Variants in NIPBL observed in about 807,000 individuals in gnomAD.
The protein encoded by NIPBL is nipped-B-like protein.
In NIPBL, 19 loss-of-function variants were observed where a neutral mutation model predicts 321.8. The ratio of observed to expected loss-of-function variants is 0.06; its 90% confidence interval spans 0.04 to 0.09. The LOEUF (loss-of-function observed/expected upper bound fraction) is 0.09, where lower values mean the gene tolerates loss of function less well. Among genes scored for constraint, NIPBL ranks in the 10% least tolerant of loss-of-function variants. The probability of loss-of-function intolerance (pLI) is 1.00; values close to 1 mark genes in which losing one functional copy is unlikely to be tolerated. For missense variants in NIPBL, 2,210 were observed against 3,327.0 expected (o/e 0.66, Z 8.26); for synonymous variants, 1,106 against 1,114.1 (o/e 0.99, Z 0.14).
intron 34 of NIPBL, among the ~76,000 whole-genome samples, chr5:37,043,998 C>G (rs979284016): frequency 1.3e-5 from 2 of 152,154 alleles, no homozygotes; most frequent in East Asian, 3.9e-4. Context: ...GGTTAACATA[C>G]ACAGTTTGGA....
chr5:36,970,787 A>G (rs1351154526), intron 6 of NIPBL, 89 bp from the exon 7 acceptor site: 6 of 1,163,972 alleles, frequency 5.2e-6, no homozygotes, highest in Non-Finnish European at 7.6e-6. Context: ...TGTAATTTCT[A>G]TATGCTTAAA....
intron 34 of NIPBL, among the ~76,000 whole-genome samples, chr5:37,041,252 GTTTTTTTTTTTTTTT>G (rs1163179336): frequency 5.6e-4 from 36 of 63,996 alleles, no homozygotes; most frequent in Admixed American, 2.2e-3. Flanking sequence ...TTATGTGGTG[GTTTTTTTTTTTTTTT>G]TTTTTTTTTT....
chr5:36,969,429 A>C (rs1006436275), intron 6 of NIPBL, among the ~76,000 whole-genome samples: 1 of 152,208 alleles, frequency 6.6e-6, no homozygotes, highest in African/African-American at 2.4e-5. Flanking sequence ...CATATAGTGA[A>C]GTAGAACATG....
chr5:36,929,293 C>T (rs1339135778), intron 1 of NIPBL, among the ~76,000 whole-genome samples: 1 of 151,964 alleles, frequency 6.6e-6, no homozygotes, highest in African/African-American at 2.4e-5. Flanking sequence ...AAGCCATTCA[C>T]ATGTGTTCTT....
At chr5:36,948,048 A>G (rs1436765628) in intron 1 of NIPBL, among the ~76,000 whole-genome samples, 1 of 151,984 alleles carries the variant, frequency 6.6e-6, no homozygotes, top group Non-Finnish European at 1.5e-5. Context: ...ATTAAAATAT[A>G]GAATCATCAC....
chr5:37,047,362 T>G (rs1486667633), intron 38 of NIPBL, among the ~76,000 whole-genome samples: 1 of 152,210 alleles, frequency 6.6e-6, no homozygotes, highest in Admixed American at 6.5e-5. Flanking sequence ...CAAAAATGAG[T>G]AAGAAAAGAT....
chr5:36,890,937 T>C (rs1746281930), intron 1 of NIPBL, among the ~76,000 whole-genome samples: 1 of 152,186 alleles, frequency 6.6e-6, no homozygotes, highest in South Asian at 2.1e-4. Flanking sequence ...CTATGTCTTT[T>C]CTCAGGAGCT....
intron 9 of NIPBL, chr5:36,982,214 G>A: frequency 2.0e-6 from 2 of 981,490 alleles, no homozygotes; most frequent in Non-Finnish European, 2.4e-6. Context: ...TGCTGAAGAG[G>A]GCTTACAGGT....
At position 37,036,500 on chromosome 5, in the gene NIPBL, A is replaced by C. The variant is rs751578529; in HGVS notation, c.5971+13A>C. On this transcript the variant is annotated intron_variant, in intron 33 of 46. Coordinates refer to ENST00000282516, the MANE Select transcript of NIPBL (RefSeq NM_133433.4). ...GAATCTCTAGCTGGTAAGACATTTT[A>C]TATATATATTGATCTTTAGTTGATT... 3.8e-6 allele frequency: 4 copies of C among 1,061,200 alleles called. No individual in the cohort carries two copies. Among genetic ancestry groups the C allele is most frequent in the Non-Finnish European group, 5.4e-6 (4 of 739,986 alleles). 65.7% of individuals were successfully genotyped at this position (1,061,200 alleles called of 1,614,324 possible).
intron 5 of NIPBL, 90 bp from the exon 6 acceptor site, chr5:36,962,033 A>C: frequency 7.2e-7 from 1 of 1,391,784 alleles, no homozygotes; most frequent in Non-Finnish European, 1.0e-6. Context: ...ATAAACTAAG[A>C]GATCAGAGGA....
intron 23 of NIPBL, 107 bp from the exon 24 acceptor site, chr5:37,016,911 AG>A (rs1749062092): frequency 2.3e-6 from 2 of 863,874 alleles, no homozygotes; most frequent in African/African-American, 3.5e-5. Flanking sequence ...GAAAAAAAAA[AG>A]TTTAAATTTT....
At chr5:36,906,098 A>C (rs769774601) in intron 1 of NIPBL, among the ~76,000 whole-genome samples, 8 of 152,150 alleles carry the variant, frequency 5.3e-5, no homozygotes, top group Non-Finnish European at 8.8e-5. Flanking sequence ...TACATATTAA[A>C]ATGTCATTTC....
rs376240848 is a variant in NIPBL, at chr5:36,972,738, A to G, written c.868+697A>G. ...CTTAATGCTATTCCAGTCCTGAATC[A>G]TTGTAACTTAAAAATTTTAAGTTAT... is the stretch of plus-strand genomic sequence containing the variant. On this transcript the variant is annotated intron_variant, in intron 8 of 46. Coordinates refer to ENST00000282516, the MANE Select transcript of NIPBL (RefSeq NM_133433.4). Among the ~76,000 whole-genome samples the G allele has an allele frequency of 1.3e-4, 20 of 152,164 alleles. No individual in the cohort carries two copies. The East Asian group carries it at 1.3e-3, about 10-fold the overall frequency.
At chr5:36,951,753 A>G (rs1740317020) in intron 1 of NIPBL, among the ~76,000 whole-genome samples, 1 of 152,166 alleles carries the variant, frequency 6.6e-6, no homozygotes, top group Non-Finnish European at 1.5e-5. Flanking sequence ...AGTAGTGATT[A>G]TAGCTTTCCT....
At chr5:37,028,820 T>C (rs565475407) in intron 32 of NIPBL, among the ~76,000 whole-genome samples, 1 of 152,338 alleles carries the variant, frequency 6.6e-6, no homozygotes, top group South Asian at 2.1e-4. Context: ...AAAATGTATT[T>C]TTATAGTTGG....
chr5:37,061,273 T>G (rs1372403086), intron 45 of NIPBL, among the ~76,000 whole-genome samples: 5 of 152,180 alleles, frequency 3.3e-5, no homozygotes, highest in African/African-American at 1.2e-4. Flanking sequence ...AATGAAAGAT[T>G]ATAGGAAAAC....
chr5:37,032,925 G>A (rs537677287), intron 32 of NIPBL, among the ~76,000 whole-genome samples: 1 of 152,172 alleles, frequency 6.6e-6, no homozygotes, highest in African/African-American at 2.4e-5. Flanking sequence ...GAGAATGTTG[G>A]TACCTTTAAA....
intron 11 of NIPBL, among the ~76,000 whole-genome samples, chr5:36,997,845 G>A (rs764507715): frequency 1.4e-4 from 21 of 152,160 alleles, no homozygotes; most frequent in Non-Finnish European, 2.2e-4. Context: ...AAACTATTAT[G>A]AGAACGTTAA....
intron 2 of NIPBL, chr5:36,955,093 TTGTA>T (rs1390326358): frequency 5.1e-6 from 1 of 196,346 alleles, no homozygotes; most frequent in Non-Finnish European, 1.1e-5. Flanking sequence ...TGTTATTTGT[TTGTA>T]TGAGCGTACT....
Sources: gnomAD v4.1 joint callset for allele counts (sites outside exome capture counted in the v4.1 genomes callset) on GRCh38, gnomAD v4.1.1 for gene constraint, MANE v1.5 for transcripts, NCBI Gene and HGNC (gene_info 2026-07-23, HGNC 2026-07-21) for gene names.